TOX: variants seen among roughly 807,000 people sequenced by gnomAD.
The protein encoded by TOX is thymocyte selection associated high mobility group box, also known as thymocyte selection-associated high mobility group box protein TOX.
In TOX, 11 loss-of-function variants were observed where a neutral mutation model predicts 53.7. The observed-to-expected ratio is 0.20, with a 90% CI of 0.13 to 0.34. TOX has a LOEUF of 0.34. TOX is among the 10% of genes least tolerant of loss of function. TOX has a pLI of 1.00. For synonymous variants in TOX, 225 were observed against 245.3 expected (o/e 0.92, Z 0.77); for missense variants, 570 against 664.6 (o/e 0.86, Z 1.56).
At chr8:59,076,490 G>A (rs1446863619) in intron 1 of TOX, among the ~76,000 whole-genome samples, 1 of 152,120 alleles carries the variant, frequency 6.6e-6, no homozygotes, top group Non-Finnish European at 1.5e-5. Context: ...TTTTTTAAAA[G>A]AATTCATAAT....
intron 3 of TOX, among the ~76,000 whole-genome samples, chr8:58,866,145 T>G (rs534295989): frequency 1.4e-4 from 22 of 152,298 alleles, no homozygotes; most frequent in African/African-American, 4.6e-4. Context: ...GACAGTGACA[T>G]GTTTTTAACA....
chr8:59,097,614 G>A (rs1441501661), intron 1 of TOX, among the ~76,000 whole-genome samples: 1 of 152,128 alleles, frequency 6.6e-6, no homozygotes, highest in Non-Finnish European at 1.5e-5. Context: ...CTACACCAGA[G>A]TTAGTGGAAA....
intron 3 of TOX, among the ~76,000 whole-genome samples, chr8:58,886,728 T>A (rs1811474808): frequency 6.6e-6 from 1 of 152,028 alleles, no homozygotes; most frequent in Non-Finnish European, 1.5e-5. Flanking sequence ...ACTCTTAAGT[T>A]TTCCAAGTAC....
At chr8:59,016,627 C>T (rs558964685) in intron 1 of TOX, among the ~76,000 whole-genome samples, 2 of 152,098 alleles carry the variant, frequency 1.3e-5, no homozygotes, top group Non-Finnish European at 2.9e-5. Flanking sequence ...AATAAAGATT[C>T]TATTTCTGTA....
At chr8:59,067,177 T>A (rs1232127597) in intron 1 of TOX, among the ~76,000 whole-genome samples, 1 of 152,142 alleles carries the variant, frequency 6.6e-6, no homozygotes, top group Admixed American at 6.5e-5. Flanking sequence ...TAAAAACAAA[T>A]TTCCTAGAAT....
intron 1 of TOX, among the ~76,000 whole-genome samples, chr8:59,116,998 A>C (rs1270052489): frequency 6.6e-6 from 1 of 152,250 alleles, no homozygotes; most frequent in Non-Finnish European, 1.5e-5. Flanking sequence ...TTAACTTTTA[A>C]ATTAAATCTG....
intron 1 of TOX, among the ~76,000 whole-genome samples, chr8:59,047,203 G>GTTTTTTTTTTTTTTTT (rs10551461): frequency 2.2e-5 from 1 of 44,674 alleles, no homozygotes; most frequent in Non-Finnish European, 4.0e-5. Context: ...ACCAAGAATT[G>GTTTTTTTTTTTTTTTT]TTTTTTTTTT....
chr8:58,815,103 T>C (rs781281641), intron 7 of TOX, among the ~76,000 whole-genome samples: 7 of 152,230 alleles, frequency 4.6e-5, no homozygotes, highest in Admixed American at 6.5e-5. Context: ...CCAGTGATTA[T>C]GAAAAGAAGT....
rs139125006 is a variant in TOX at position 58,969,799 on chromosome 8, A to G, written c.103-9791T>C. On this transcript the variant is annotated intron_variant, in intron 1 of 8. Coordinates refer to ENST00000361421, the MANE Select transcript of TOX (RefSeq NM_014729.3). ...AATGTCCATTTTATCATATGTTGCCAGAAACATGTCAAAGCCAAAACTGGA... is the reference window on the plus strand; with the variant it reads ...AATGTCCATTTTATCATATGTTGCCGGAAACATGTCAAAGCCAAAACTGGA... Among the ~76,000 whole-genome samples, 1,495 of 152,300 alleles carry G rather than the reference A, an allele frequency of 9.8e-3. 16 individuals are homozygous for G. The highest frequency in any genetic ancestry group is 0.014 in the Non-Finnish European group (925 of 68,026).
intron 3 of TOX, among the ~76,000 whole-genome samples, chr8:58,912,024 C>T (rs1484170419): frequency 6.6e-6 from 1 of 152,192 alleles, no homozygotes; most frequent in Non-Finnish European, 1.5e-5. Context: ...AATGCAGCTC[C>T]CCCGGCTCCA....
chr8:59,109,401 C>T (rs1804973316), intron 1 of TOX, among the ~76,000 whole-genome samples: 1 of 152,030 alleles, frequency 6.6e-6, no homozygotes, highest in Admixed American at 6.6e-5. Context: ...AATTAACTGA[C>T]TCGAGGCTAA....
At chr8:58,856,434 A>G (rs2129168702) in intron 3 of TOX, among the ~76,000 whole-genome samples, 1 of 152,326 alleles carries the variant, frequency 6.6e-6, no homozygotes, top group South Asian at 2.1e-4. Context: ...TCAGTGTGTA[A>G]CTAAGGAAAT....
At chr8:59,002,211 T>A (rs934230588) in intron 1 of TOX, among the ~76,000 whole-genome samples, 1 of 147,112 alleles carries the variant, frequency 6.8e-6, no homozygotes, top group East Asian at 2.3e-4. Flanking sequence ...TGACCTAGGG[T>A]GATCTGCCCA....
chr8:59,046,129 C>T (rs141728932), intron 1 of TOX, among the ~76,000 whole-genome samples: 147 of 152,214 alleles, frequency 9.7e-4, no homozygotes, highest in African/African-American at 2.5e-3. Flanking sequence ...ATGATTTTTA[C>T]CCTCCATGTT....
Position 58,998,534 on chromosome 8 carries a change from T to TATATATATA in TOX, c.103-38527_103-38526insTATATATAT, listed in dbSNP as rs1554537351. Among the ~76,000 whole-genome samples, 29 of 18,324 alleles carry TATATATATA rather than the reference T, an allele frequency of 1.6e-3. 2 individuals are homozygous for TATATATATA. Among genetic ancestry groups the TATATATATA allele is most frequent in the South Asian group, 5.1e-3 (3 of 588 alleles). The allele number at this position is 18,324 out of a possible 152,430, so 12.0% of individuals were successfully genotyped here. A position where few individuals can be genotyped will look rare whatever the true frequency, so the allele number is the denominator to read the frequency against. Reference sequence around the variant, plus strand: ...ATATATATATATATATATATATATATATATAAATTTATATATAATAAATTT... The same window carrying TATATATATA: ...ATATATATATATATATATATATATATATATATATAATATAAATTTATATATAATAAATTT... On this transcript the variant is annotated intron_variant, in intron 1 of 8. Coordinates refer to ENST00000361421, the MANE Select transcript of TOX (RefSeq NM_014729.3).
chr8:58,828,364 A>T (rs1265542671), intron 5 of TOX, among the ~76,000 whole-genome samples: 1 of 152,214 alleles, frequency 6.6e-6, no homozygotes, highest in East Asian at 1.9e-4. Flanking sequence ...TGTATTTGGC[A>T]TTTTGGTCTA....
intron 1 of TOX, among the ~76,000 whole-genome samples, chr8:59,102,831 C>CCATGCCT (rs1208689501): frequency 6.6e-6 from 1 of 152,150 alleles, no homozygotes; most frequent in Non-Finnish European, 1.5e-5. Flanking sequence ...AGAAAGGAAT[C>CCATGCCT]CATGCCTCAT....
intron 3 of TOX, among the ~76,000 whole-genome samples, chr8:58,890,545 T>C (rs1000452766): frequency 1.3e-5 from 2 of 152,024 alleles, no homozygotes; most frequent in African/African-American, 4.8e-5. Flanking sequence ...AAAGGCTGAA[T>C]AAGGTGGGCA....
At chr8:59,016,758 A>T (rs1044373639) in intron 1 of TOX, among the ~76,000 whole-genome samples, 6 of 152,266 alleles carry the variant, frequency 3.9e-5, no homozygotes, top group African/African-American at 1.2e-4. Context: ...GGAAAAGGCC[A>T]TTTAAGCTTA....
Sources: gnomAD v4.1 joint callset for allele counts (sites outside exome capture counted in the v4.1 genomes callset) on GRCh38, gnomAD v4.1.1 for gene constraint, MANE v1.5 for transcripts, NCBI Gene and HGNC (gene_info 2026-07-23, HGNC 2026-07-21) for gene names.